The following ABR variants were observed in gnomAD, a reference collection of about 807,000 sequenced individuals.
The protein encoded by ABR is ABR activator of RhoGEF and GTPase.
In ABR, 35 loss-of-function variants were observed where a neutral mutation model predicts 107.2. The observed-to-expected ratio is 0.33, with a 90% confidence interval of 0.25 to 0.43. The LOEUF (loss-of-function observed/expected upper bound fraction) is 0.43. Among genes scored for constraint, ABR ranks in the 20% least tolerant of loss-of-function variants. The probability of loss-of-function intolerance (pLI) is 1.00; values close to 1 mark genes in which losing one functional copy is unlikely to be tolerated. For synonymous variants in ABR, 498 were observed against 462.0 expected (o/e 1.08, Z -1.00); for missense variants, 815 against 1,115.2 (o/e 0.73, Z 3.83).
chr17:1,012,021 C>A (rs569080851), intron 18 of ABR, 36 bp from the exon 19 acceptor site: 3 of 1,608,790 alleles, frequency 1.9e-6, no homozygotes, highest in Admixed American at 1.7e-5. Flanking sequence ...GAGGGCAGCC[C>A]CCACGACAGC....
At position 1,037,030 on chromosome 17, in the gene ABR, T is replaced by C. The variant is rs200876337; in HGVS notation, c.1791+13020A>G. 1.2e-4 allele frequency among the ~76,000 whole-genome samples: 16 copies of C among 134,852 alleles called. No individual in the cohort carries two copies. The highest frequency in any genetic ancestry group is 3.2e-4 in the South Asian group (1 of 3,158). 88.5% of individuals were successfully genotyped at this position (134,852 alleles called of 152,430 possible). ...TTCCTTCCATCCTTCCTTCCTTCCA[T>C]CCATCCACCCATCCATCCATCCATC... is the stretch of plus-strand genomic sequence containing the variant. On this transcript the variant is annotated intron_variant, in intron 16 of 22. Transcript: ENST00000302538. This position sits in a 1 kb window ranked among gnomAD's most constrained non-coding sequence, Gnocchi z 4.6.
At position 1,010,874 on chromosome 17, in the gene ABR, G is replaced by A; in HGVS notation, c.2102-11C>T. 1 of 1,613,116 alleles carries A rather than the reference G, an allele frequency of 6.2e-7. No individual in the cohort carries two copies. The highest frequency in any genetic ancestry group is 8.5e-7 in the Non-Finnish European group (1 of 1,179,954). ...GGATGTCCTTGTTATCTGCAGGGGT[G>A]GGGCCGAGGTCAGGCAGCCTTAGCT... On this transcript the variant is annotated splice_polypyrimidine_tract_variant and intron_variant, in intron 19 of 22. Transcript: ENST00000302538. The surrounding 1 kb of genome is among the most constrained non-coding windows in gnomAD (Gnocchi z 4.1).
chr17:1,127,626 C>T (rs1305720225), intron 1 of ABR, among the ~76,000 whole-genome samples: 2 of 152,204 alleles, frequency 1.3e-5, no homozygotes, highest in African/African-American at 4.8e-5. Flanking sequence ...CCAGGCTGCC[C>T]TGTTGGTGCC....
At chr17:1,088,071 C>T (rs1402489299) in intron 4 of ABR, among the ~76,000 whole-genome samples, 1 of 152,036 alleles carries the variant, frequency 6.6e-6, no homozygotes, top group Non-Finnish European at 1.5e-5. Context: ...CCTCCGGATG[C>T]CAGACCTGAC....
intron 16 of ABR, among the ~76,000 whole-genome samples, chr17:1,025,119 C>CAAAAAAAAAAAAAAAAAAAA (rs71272843): frequency 3.2e-4 from 12 of 37,700 alleles, no homozygotes; most frequent in African/African-American, 8.7e-4. Context: ...GACTCCGTCT[C>CAAAAAAAAAAAAAAAAAAAA]AAAAAAAAAA....
rs9904406 is a variant in ABR, at chr17:1,018,263, T to G, written c.1792-5099A>C. On this transcript the variant is annotated intron_variant, in intron 16 of 22. Coordinates refer to ENST00000302538, the MANE Select transcript of ABR (RefSeq NM_021962.5). Reference sequence around the variant, plus strand: ...TTCACCGTGTTAGCCAGGATGGTCTTGATCTCCTGACCTCGTGATTCGCCC... The same window carrying G: ...TTCACCGTGTTAGCCAGGATGGTCTGGATCTCCTGACCTCGTGATTCGCCC... 1.1e-4 allele frequency among the ~76,000 whole-genome samples: 17 copies of G among 151,458 alleles called. No individual in the cohort carries two copies. The South Asian group carries it at 1.5e-3, about 13-fold the overall frequency.
rs2034816270 is a variant in ABR at position 1,067,074 on chromosome 17, C to T, written c.1182+3G>A. 1.9e-6 allele frequency: 3 copies of T among 1,612,768 alleles called. No homozygotes were observed. The highest frequency in any genetic ancestry group is 2.2e-5 in the East Asian group (1 of 44,870). On this transcript the variant is annotated splice_donor_region_variant and intron_variant, in intron 10 of 22. Coordinates refer to ENST00000302538, the MANE Select transcript of ABR (RefSeq NM_021962.5). ...CCAGGCTCAGATACCAAGCTCTGCT[C>T]ACCTCCTTCTGGATTTCACTCTTGA...
chr17:1,012,560 G>A (rs961262508), intron 18 of ABR, 128 bp downstream of exon 18: 7 of 744,958 alleles, frequency 9.4e-6, no homozygotes, highest in Admixed American at 2.0e-5. Flanking sequence ...CCGGCCATCT[G>A]CCACCGCCGA....
At position 1,200,602 on chromosome 17, in the gene ABR, C is replaced by T. The variant is rs1198237636; in HGVS notation, c.838+28191G>A. The stretch of plus-strand genomic sequence containing the variant: ...TTTGGCCAGTCCAGCTTCATTTTCT[C>T]CCCTCCTCCCGTTACATCAAGCAGA... On this transcript the variant is annotated intron_variant, in intron 1 of 22. Transcript: ENST00000574139. This position sits in a 1 kb window ranked among gnomAD's most constrained non-coding sequence, Gnocchi z 4.1. 1.3e-5 allele frequency among the ~76,000 whole-genome samples: 2 copies of T among 151,980 alleles called. No homozygotes were observed. The highest frequency in any genetic ancestry group is 2.4e-5 in the African/African-American group (1 of 41,362).
At position 1,179,705 on chromosome 17, in the gene ABR, C is replaced by A; in HGVS notation, c.23G>T (p.Gly8Val). MEPLSHRGLPRLSWIDTL... is the reference protein window; with the variant it reads MEPLSHRVLPRLSWIDTL... ...GTCGATCCAGGACAGGCGCGGCAGG[C>A]CCCGGTGGCTGAGCGGCTCCATCCC... Residue 8 changes from glycine to valine, a missense_variant, in exon 1 of 23, where the codon GGC becomes GTC. Gly to Val is a moderately radical substitution (Grantham distance 109, BLOSUM62 -3). Transcript: ENST00000302538. The surrounding 1 kb of genome is among the most constrained non-coding windows in gnomAD (Gnocchi z 4.9). The A allele has an allele frequency of 1.3e-6, 2 of 1,558,094 alleles. No homozygotes were observed. The highest frequency in any genetic ancestry group is 1.7e-6 in the Non-Finnish European group (2 of 1,152,782).
chr17:1,159,129 A>T (rs1182475884), intron 1 of ABR, among the ~76,000 whole-genome samples: 2 of 152,236 alleles, frequency 1.3e-5, no homozygotes, highest in Admixed American at 1.3e-4. Flanking sequence ...AACTATATTA[A>T]ACTACTGTCT....
At chr17:1,099,150 A>C (rs1286343829) in intron 3 of ABR, among the ~76,000 whole-genome samples, 3 of 150,980 alleles carry the variant, frequency 2.0e-5, no homozygotes, top group African/African-American at 7.3e-5. Context: ...CTCTCAGCTC[A>C]CTACGACCTT....
intron 2 of ABR, among the ~76,000 whole-genome samples, chr17:1,117,885 ACCCTGAGCCTGAGTTCCTCCCAGCGTTAT>A (rs2039103971): frequency 8.6e-4 from 40 of 46,534 alleles, no homozygotes; most frequent in Non-Finnish European, 1.2e-3. Context: ...CCCAGCGTTA[ACCCTGAGCCTGAGTTCCTCCCAGCGTTAT>A]CCCTGAGCCT....
At position 1,027,583 on chromosome 17, in the gene ABR, G is replaced by A. The variant is rs1310702279; in HGVS notation, c.1792-14419C>T. On this transcript the variant is annotated intron_variant, in intron 16 of 22. Coordinates refer to ENST00000302538, the MANE Select transcript of ABR (RefSeq NM_021962.5). The surrounding 1 kb of genome is among the most constrained non-coding windows in gnomAD (Gnocchi z 4.7). ...ACTCGGCAGGTGGGTAAGTGCTGTG[G>A]AAAAGAGGGAGGGTCGCCCGACCCC... 6.6e-6 allele frequency among the ~76,000 whole-genome samples: 1 copy of A among 152,128 alleles called. No homozygotes were observed. Among genetic ancestry groups the A allele is most frequent in the Non-Finnish European group, 1.5e-5 (1 of 68,016 alleles).
intron 5 of ABR, 151 bp from the exon 6 acceptor site, chr17:1,079,541 C>T: frequency 4.1e-6 from 3 of 738,350 alleles, no homozygotes; most frequent in Non-Finnish European, 6.9e-6. Flanking sequence ...GTCATCCCAG[C>T]ACTTTGAGAG....
At chr17:1,022,288 C>T (rs950732759) in intron 16 of ABR, among the ~76,000 whole-genome samples, 3 of 152,130 alleles carry the variant, frequency 2.0e-5, no homozygotes, top group Non-Finnish European at 4.4e-5. Flanking sequence ...TTTCCTGGGG[C>T]TCCCAGGCCA....
chr17:1,148,560 C>T lies in ABR; in HGVS notation c.62-23193G>A, dbSNP rs538876499. ...CGGAGGTGAGTGGTGGGTGAGCAAG[C>T]GTCACCCCCTGAACCCCACTTCCCA... On this transcript the variant is annotated intron_variant, in intron 1 of 22. Coordinates refer to ENST00000302538, the MANE Select transcript of ABR (RefSeq NM_021962.5). The surrounding 1 kb of genome is among the most constrained non-coding windows in gnomAD (Gnocchi z 4.9). Among the ~76,000 whole-genome samples, 1 of 152,312 alleles carries T rather than the reference C, an allele frequency of 6.6e-6. No homozygotes were observed. The highest frequency in any genetic ancestry group is 6.5e-5 in the Admixed American group (1 of 15,296).
In ABR at chr17:1,026,746, C is replaced by T. The variant is rs114235499; in HGVS notation, c.1792-13582G>A. Among the ~76,000 whole-genome samples the T allele has an allele frequency of 8.5e-3, 1,289 of 152,328 alleles. 11 individuals carry two copies. Among genetic ancestry groups the T allele is most frequent in the African/African-American group, 0.029 (1,210 of 41,564 alleles). On this transcript the variant is annotated intron_variant, in intron 16 of 22. Transcript: ENST00000302538. ...GGGGCCGTCAGGACACAAACATCTTCCTGCCCCAGCATGAGTTCACAGGGG... is the reference window on the plus strand; with the variant it reads ...GGGGCCGTCAGGACACAAACATCTTTCTGCCCCAGCATGAGTTCACAGGGG...
chr17:1,043,051 G>A (rs557337399), intron 16 of ABR, among the ~76,000 whole-genome samples: 1 of 152,320 alleles, frequency 6.6e-6, no homozygotes, highest in East Asian at 1.9e-4. Flanking sequence ...CAGGAGTGGG[G>A]AGTTATGATT....
Sources: allele counts gnomAD v4.1 joint callset (sites outside exome capture counted in the v4.1 genomes callset), GRCh38; gene constraint gnomAD v4.1.1; non-coding constraint Gnocchi (gnomAD v3.1); transcripts MANE v1.5; gene names NCBI Gene and HGNC (gene_info 2026-07-23, HGNC 2026-07-21).